The following CAMK2D variants were observed in gnomAD, a reference collection of about 807,000 sequenced individuals.
CAMK2D encodes calcium/calmodulin dependent protein kinase II delta.
In CAMK2D, 37 loss-of-function variants were observed where a neutral mutation model predicts 84.0. The observed-to-expected ratio is 0.44, with a 90% CI of 0.34 to 0.58. The LOEUF (loss-of-function observed/expected upper bound fraction) is 0.58. Ranked by LOEUF, CAMK2D falls within the 20% of genes least tolerant of loss-of-function variation. The pLI is 0.02. For synonymous variants in CAMK2D, 202 were observed against 212.5 expected (o/e 0.95, Z 0.43); for missense variants, 448 against 652.5 (o/e 0.69, Z 3.41).
intron 2 of CAMK2D, among the ~76,000 whole-genome samples, chr4:113,720,322 A>C (rs2148610059): frequency 6.6e-6 from 1 of 151,836 alleles, no homozygotes; most frequent in African/African-American, 2.4e-5. Flanking sequence ...TCCCATCTCT[A>C]ATCAAATACC....
In CAMK2D at chr4:113,537,375, G is replaced by A; in HGVS notation, c.483C>T (p.Ala161=). The change falls in exon 7 of 21, where the codon GCC becomes GCT. Residue 161 remains alanine (A), a synonymous_variant. Coordinates refer to ENST00000511664, the MANE Select transcript of CAMK2D (RefSeq NM_001321571.2). ...CCTGCTGGTCCCCTTGAACTTCTATGGCTAAGCCAAAGTCTGCCAATTTCA... is the reference window on the plus strand; with the variant it reads ...CCTGCTGGTCCCCTTGAACTTCTATAGCTAAGCCAAAGTCTGCCAATTTCA... ...AAVKLADFGL[A]IEVQGDQQAW... 1.2e-6 allele frequency: 2 copies of A among 1,612,536 alleles called. No individual in the cohort carries two copies. Among genetic ancestry groups the A allele is most frequent in the South Asian group, 1.1e-5 (1 of 91,028 alleles).
chr4:113,623,093 A>G (rs2099053168), intron 3 of CAMK2D, among the ~76,000 whole-genome samples: 1 of 152,196 alleles, frequency 6.6e-6, no homozygotes, highest in African/African-American at 2.4e-5. Context: ...TGGATTAAGA[A>G]AACTGATGAT....
chr4:113,468,189 G>A (rs1387182999), intron 16 of CAMK2D, among the ~76,000 whole-genome samples: 1 of 152,110 alleles, frequency 6.6e-6, no homozygotes, highest in East Asian at 1.9e-4. Context: ...TTTACTTTCT[G>A]AACCACTGTG....
intron 2 of CAMK2D, among the ~76,000 whole-genome samples, chr4:113,718,595 T>C (rs1372554368): frequency 1.3e-5 from 2 of 152,196 alleles, no homozygotes; most frequent in Non-Finnish European, 2.9e-5. Flanking sequence ...TTGTGGCTAG[T>C]TCGTTTGTTA....
chr4:113,720,459 G>C (rs918355033), intron 2 of CAMK2D, among the ~76,000 whole-genome samples: 2 of 151,742 alleles, frequency 1.3e-5, no homozygotes, highest in African/African-American at 2.4e-5. Flanking sequence ...CCACTACTGA[G>C]AGCAGTAAAC....
chr4:113,547,579 T>A (rs1352364536), intron 6 of CAMK2D, 65 bp downstream of exon 6: 8 of 1,055,372 alleles, frequency 7.6e-6, no homozygotes, highest in African/African-American at 3.2e-5. Context: ...TTTACAGGCA[T>A]AATTGCAGCT....
chr4:113,681,223 A>T lies in CAMK2D; in HGVS notation c.161-19451T>A, dbSNP rs140272291. 8.2e-3 allele frequency among the ~76,000 whole-genome samples: 1,245 copies of T among 152,282 alleles called. 10 individuals are homozygous for T. Among genetic ancestry groups the T allele is most frequent in the Non-Finnish European group, 0.013 (851 of 68,022 alleles). On this transcript the variant is annotated intron_variant, in intron 2 of 20. Transcript: ENST00000511664. The stretch of plus-strand genomic sequence containing the variant: ...TATGGTTTGGCTGTGTCCCCACTCA[A>T]ATCTCATCTTGAATTGTAGTTCCCA...
chr4:113,706,645 A>G (rs2099457742), intron 2 of CAMK2D, among the ~76,000 whole-genome samples: 1 of 152,232 alleles, frequency 6.6e-6, no homozygotes, highest in Non-Finnish European at 1.5e-5. Flanking sequence ...CCTACTATTT[A>G]GTGCTATTTA....
intron 9 of CAMK2D, among the ~76,000 whole-genome samples, chr4:113,516,163 C>A (rs978694288): frequency 1.7e-4 from 26 of 152,122 alleles, no homozygotes; most frequent in African/African-American, 6.0e-4. Context: ...GAACTTGTGA[C>A]TCACTGGCAT....
At chr4:113,722,006 T>C (rs942725493) in intron 2 of CAMK2D, among the ~76,000 whole-genome samples, 4 of 152,210 alleles carry the variant, frequency 2.6e-5, no homozygotes, top group South Asian at 4.1e-4. Context: ...ATGATCCCTT[T>C]AAGTTACTCA....
At chr4:113,591,331 T>G (rs1307743714) in intron 4 of CAMK2D, among the ~76,000 whole-genome samples, 1 of 152,182 alleles carries the variant, frequency 6.6e-6, no homozygotes, top group East Asian at 1.9e-4. Flanking sequence ...CTAATCAGAT[T>G]ATTGTAGTTA....
intron 16 of CAMK2D, among the ~76,000 whole-genome samples, chr4:113,472,366 C>T (rs1310356485): frequency 6.6e-6 from 1 of 152,112 alleles, no homozygotes; most frequent in Non-Finnish European, 1.5e-5. Flanking sequence ...GAGAAGGCAC[C>T]TTGGATACTT....
chr4:113,632,632 G>GA (rs907383173), intron 3 of CAMK2D, among the ~76,000 whole-genome samples: 4 of 151,344 alleles, frequency 2.6e-5, no homozygotes, highest in South Asian at 2.1e-4. Flanking sequence ...AAAAAAAAAA[G>GA]AAAAAAATCA....
chr4:113,521,575 A>G (rs758316560), intron 8 of CAMK2D, among the ~76,000 whole-genome samples: 3 of 152,194 alleles, frequency 2.0e-5, no homozygotes, highest in Non-Finnish European at 4.4e-5. Context: ...TGAAAAATAA[A>G]TCAAGAAATA....
chr4:113,604,122 C>T (rs1018357133), intron 4 of CAMK2D, among the ~76,000 whole-genome samples: 1 of 151,980 alleles, frequency 6.6e-6, no homozygotes, highest in Non-Finnish European at 1.5e-5. Context: ...CACCACACTG[C>T]CAAAACTATC....
intron 4 of CAMK2D, among the ~76,000 whole-genome samples, chr4:113,581,699 C>G (rs2098811012): frequency 6.6e-6 from 1 of 152,164 alleles, no homozygotes; most frequent in Non-Finnish European, 1.5e-5. Context: ...ACTACTACAG[C>G]CTTCTACTCC....
At chr4:113,753,191 G>A (rs193065904) in intron 2 of CAMK2D, among the ~76,000 whole-genome samples, 25 of 152,124 alleles carry the variant, frequency 1.6e-4, no homozygotes, top group African/African-American at 5.8e-4. Flanking sequence ...AGGCTGCAGT[G>A]TGGATTAAAT....
chr4:113,500,236 G>A (rs1420215178), intron 16 of CAMK2D, among the ~76,000 whole-genome samples: 1 of 151,990 alleles, frequency 6.6e-6, no homozygotes, highest in African/African-American at 2.4e-5. Flanking sequence ...TATGCTACAT[G>A]TCTACAGTTC....
chr4:113,620,745 A>T (rs774887602), intron 3 of CAMK2D, among the ~76,000 whole-genome samples: 5 of 152,092 alleles, frequency 3.3e-5, no homozygotes, highest in Non-Finnish European at 7.4e-5. Context: ...TGACCTTGTG[A>T]TCTGCCTGCC....
Sources: gnomAD v4.1 joint callset for allele counts (sites outside exome capture counted in the v4.1 genomes callset) on GRCh38, gnomAD v4.1.1 for gene constraint, MANE v1.5 for transcripts, NCBI Gene and HGNC (gene_info 2026-07-23, HGNC 2026-07-21) for gene names.